DIP2C: variants seen among roughly 807,000 people sequenced by gnomAD.
DIP2C encodes the protein DIP2 acetate--CoA ligase C (putative).
In DIP2C, 33 loss-of-function variants were observed where a neutral mutation model predicts 192.4. The ratio of observed to expected loss-of-function variants is 0.17; its 90% CI spans 0.13 to 0.23. The LOEUF (loss-of-function observed/expected upper bound fraction) is 0.23. Among genes scored for constraint, DIP2C ranks in the 10% least tolerant of loss-of-function variants. The pLI is 1.00. For synonymous variants in DIP2C, 979 were observed against 864.1 expected, an observed-to-expected ratio of 1.13 and a Z score of -2.33; for missense variants, 1,537 against 2,110.1, an observed-to-expected ratio of 0.73 and a Z score of 5.32.
At chr10:568,676 G>A (rs1849583058) in intron 1 of DIP2C, among the ~76,000 whole-genome samples, 1 of 147,488 alleles carries the variant, frequency 6.8e-6, no homozygotes, top group Non-Finnish European at 1.5e-5. Flanking sequence ...TGAGGCAGGA[G>A]AATGGCGTGA....
intron 17 of DIP2C, among the ~76,000 whole-genome samples, chr10:380,843 G>A (rs1962302576): frequency 1.3e-5 from 2 of 152,152 alleles, no homozygotes; most frequent in Non-Finnish European, 2.9e-5. Context: ...TCCTACATGG[G>A]AAATTCACCT....
chr10:538,451 T>G (rs1321725082), intron 1 of DIP2C, among the ~76,000 whole-genome samples: 1 of 152,212 alleles, frequency 6.6e-6, no homozygotes, highest in Non-Finnish European at 1.5e-5. Flanking sequence ...CATGAGCCAT[T>G]GTGCCCAGTC....
At chr10:435,273 T>TA (rs1316209424) in intron 4 of DIP2C, among the ~76,000 whole-genome samples, 4 of 152,224 alleles carry the variant, frequency 2.6e-5, no homozygotes, top group Non-Finnish European at 4.4e-5. Flanking sequence ...GGTTAGTCTC[T>TA]AGTTAACTAG....
chr10:532,374 G>A (rs1232413203), intron 1 of DIP2C, among the ~76,000 whole-genome samples: 1 of 152,142 alleles, frequency 6.6e-6, no homozygotes, highest in Non-Finnish European at 1.5e-5. Context: ...GAGGCCCAGG[G>A]TAGCCTTAAC....
At chr10:559,264 G>A (rs144350776) in intron 1 of DIP2C, among the ~76,000 whole-genome samples, 5 of 151,288 alleles carry the variant, frequency 3.3e-5, no homozygotes, top group African/African-American at 9.7e-5. Flanking sequence ...CAGACCCCAC[G>A]ACGAGGGTCT....
chr10:438,875 G>A (rs1335095835), intron 4 of DIP2C, among the ~76,000 whole-genome samples: 2 of 152,030 alleles, frequency 1.3e-5, no homozygotes, highest in African/African-American at 4.8e-5. Context: ...AGGCTGGAGT[G>A]CAGTGGTGCC....
chr10:315,583 A>C (rs1001703089), intron 31 of DIP2C, among the ~76,000 whole-genome samples: 1 of 152,160 alleles, frequency 6.6e-6, no homozygotes, highest in South Asian at 2.1e-4. Context: ...CCCCCTACTT[A>C]GTTTTATTTC....
intron 1 of DIP2C, among the ~76,000 whole-genome samples, chr10:506,462 T>C (rs1360809883): frequency 1.3e-5 from 2 of 152,100 alleles, no homozygotes; most frequent in Admixed American, 6.5e-5. Flanking sequence ...TCCATGTGGC[T>C]CCCACAGCTC....
At chr10:503,355 G>A (rs955923527) in intron 1 of DIP2C, among the ~76,000 whole-genome samples, 2 of 152,184 alleles carry the variant, frequency 1.3e-5, no homozygotes, top group Non-Finnish European at 2.9e-5. Context: ...GGCAAAGATC[G>A]AACAGACACT....
intron 3 of DIP2C, among the ~76,000 whole-genome samples, chr10:447,866 T>C (rs74673153): frequency 2.3e-5 from 2 of 86,938 alleles, no homozygotes; most frequent in Non-Finnish European, 2.0e-5. Flanking sequence ...GACCCACTCA[T>C]TCCCATTAAT....
chr10:399,330 C>G (rs1474172834), intron 9 of DIP2C, 111 bp from the exon 10 acceptor site: 1 of 746,884 alleles, frequency 1.3e-6, no homozygotes, highest in Non-Finnish European at 2.3e-6. Context: ...AGAACCAGAT[C>G]CTATGTAAAA....
chr10:529,334 T>C (rs940498801), intron 1 of DIP2C, among the ~76,000 whole-genome samples: 19 of 143,538 alleles, frequency 1.3e-4, no homozygotes, highest in Admixed American at 1.3e-4. Context: ...TGCTCTGTCC[T>C]AGAAGGCAGC....
At chr10:669,930 T>G (rs759093809) in intron 1 of DIP2C, among the ~76,000 whole-genome samples, 1 of 152,236 alleles carries the variant, frequency 6.6e-6, no homozygotes, top group Non-Finnish European at 1.5e-5. Context: ...ATATGACAAT[T>G]TCCATTGTTT....
intron 1 of DIP2C, among the ~76,000 whole-genome samples, chr10:585,329 CCTCT>C (rs530137084): frequency 2.0e-5 from 3 of 152,210 alleles, no homozygotes; most frequent in Non-Finnish European, 4.4e-5. Context: ...TGACAGGAGG[CCTCT>C]CTCCATTCCC....
At chr10:300,378 A>G (rs941249943) in intron 32 of DIP2C, among the ~76,000 whole-genome samples, 1 of 152,114 alleles carries the variant, frequency 6.6e-6, no homozygotes, top group Non-Finnish European at 1.5e-5. Flanking sequence ...GCTAGGTAAC[A>G]TCAGCCAGTC....
chr10:604,421 T>C (rs528449085), intron 1 of DIP2C, among the ~76,000 whole-genome samples: 3 of 152,236 alleles, frequency 2.0e-5, no homozygotes, highest in African/African-American at 7.2e-5. Flanking sequence ...GATGAACACA[T>C]TCGGAACAGA....
intron 1 of DIP2C, among the ~76,000 whole-genome samples, chr10:559,766 G>GCCCAGC (rs1849099770): frequency 2.0e-5 from 3 of 152,186 alleles, no homozygotes; most frequent in African/African-American, 7.2e-5. Context: ...AGAGGAGGAA[G>GCCCAGC]CCCAGCCCCG....
intron 22 of DIP2C, among the ~76,000 whole-genome samples, chr10:359,546 TTTC>T (rs1212751672): frequency 8.5e-5 from 13 of 152,326 alleles, no homozygotes; most frequent in African/African-American, 3.1e-4. Context: ...ACAGACTGAA[TTTC>T]TTTTCTTAGT....
intron 4 of DIP2C, among the ~76,000 whole-genome samples, chr10:439,765 A>AG (rs1182279641): frequency 5.9e-5 from 9 of 152,316 alleles, no homozygotes; most frequent in African/African-American, 2.2e-4. Flanking sequence ...GCTTGATCTC[A>AG]GCTCTGATCT....
Sources: allele counts gnomAD v4.1 joint callset (sites outside exome capture counted in the v4.1 genomes callset), GRCh38; gene constraint gnomAD v4.1.1; transcripts MANE v1.5; gene names NCBI Gene and HGNC (gene_info 2026-07-23, HGNC 2026-07-21).